The following C10orf90 variants were observed in gnomAD, a reference collection of about 807,000 sequenced individuals.
C10orf90 encodes the protein (E2-independent) E3 ubiquitin-conjugating enzyme FATS.
C10orf90 carries 56 observed loss-of-function variants against 62.5 expected under a neutral mutation model. The ratio of observed to expected loss-of-function variants is 0.90; its 90% CI spans 0.72 to 1.12. The LOEUF is 1.12. Among genes scored for constraint, C10orf90 ranks in the 50% most tolerant of loss-of-function variants. C10orf90 has a pLI of 0.00. For synonymous variants in C10orf90, 386 were observed against 340.4 expected, an observed-to-expected ratio of 1.13 and a Z score of -1.47; for missense variants, 970 against 880.4, an observed-to-expected ratio of 1.10 and a Z score of -1.29.
chr10:126,526,897 C>T (rs1296822315), intron 2 of C10orf90, among the ~76,000 whole-genome samples: 1 of 152,186 alleles, frequency 6.6e-6, no homozygotes, highest in Non-Finnish European at 1.5e-5. Flanking sequence ...CGTATCAGGA[C>T]ATCCTTGCTT....
chr10:126,443,970 G>T (rs575924282), intron 7 of C10orf90, among the ~76,000 whole-genome samples: 1 of 151,992 alleles, frequency 6.6e-6, no homozygotes, highest in Non-Finnish European at 1.5e-5. Flanking sequence ...GCAAAATCCA[G>T]CATCACTTTA....
chr10:126,495,219 G>T (rs1464584642), intron 4 of C10orf90, among the ~76,000 whole-genome samples: 1 of 152,156 alleles, frequency 6.6e-6, no homozygotes, highest in Non-Finnish European at 1.5e-5. Context: ...CATGTTCACT[G>T]CAGCATTGGA....
intron 7 of C10orf90, 44 bp downstream of exon 7, chr10:126,458,996 C>A (rs758106083): frequency 1.5e-5 from 23 of 1,577,688 alleles, no homozygotes; most frequent in South Asian, 3.5e-5. Flanking sequence ...AGGAACCCCC[C>A]ATCCCTGGTC....
chr10:126,669,763 A>G (rs1051518328), intron 1 of C10orf90, among the ~76,000 whole-genome samples: 1 of 151,938 alleles, frequency 6.6e-6, no homozygotes, highest in Non-Finnish European at 1.5e-5. Context: ...TCTCAAAAAT[A>G]AAAGATCATT....
intron 7 of C10orf90, among the ~76,000 whole-genome samples, chr10:126,447,336 T>G (rs1232342842): frequency 6.6e-6 from 1 of 150,946 alleles, no homozygotes; most frequent in South Asian, 2.1e-4. Flanking sequence ...AGTGAAGGGA[T>G]AGAAAGGATA....
At chr10:126,630,478 G>T (rs1177854523) in intron 2 of C10orf90, among the ~76,000 whole-genome samples, 1 of 152,112 alleles carries the variant, frequency 6.6e-6, no homozygotes, top group African/African-American at 2.4e-5. Context: ...GTCGGGAACG[G>T]GGAGAAGAGC....
At chr10:126,531,775 A>C (rs541958641) in intron 2 of C10orf90, among the ~76,000 whole-genome samples, 3 of 152,338 alleles carry the variant, frequency 2.0e-5, no homozygotes, top group East Asian at 3.9e-4. Flanking sequence ...AAAGAAGGTA[A>C]ATTAGACTGC....
At chr10:126,531,598 C>T (rs1175838947) in intron 2 of C10orf90, among the ~76,000 whole-genome samples, 1 of 152,026 alleles carries the variant, frequency 6.6e-6, no homozygotes. Flanking sequence ...GAATAATATG[C>T]CTCAACTCTT....
rs1862025794 is a variant in C10orf90, at chr10:126,495,933, C to T, written c.1534+8024G>A. ...TGAGTCCCCACCATGAGCCCAACTG[C>T]TCGGCACTCTTTACGTAAATTACCT... is the stretch of plus-strand genomic sequence containing the variant. On this transcript the variant is annotated intron_variant, in intron 4 of 9. Transcript: ENST00000488181. 5.3e-5 allele frequency among the ~76,000 whole-genome samples: 8 copies of T among 152,258 alleles called. No homozygotes were observed. In the South Asian group the frequency reaches 1.7e-3, roughly 32 times the overall value.
intron 2 of C10orf90, among the ~76,000 whole-genome samples, chr10:126,622,040 G>A (rs1845653581): frequency 6.6e-6 from 1 of 151,990 alleles, no homozygotes; most frequent in Non-Finnish European, 1.5e-5. Flanking sequence ...CCGTGGGTTG[G>A]TTGGGTCCTC....
At chr10:126,663,777 C>A (rs968298664) in intron 1 of C10orf90, among the ~76,000 whole-genome samples, 1 of 152,124 alleles carries the variant, frequency 6.6e-6, no homozygotes. Context: ...CTGCAAAAAA[C>A]CACCAAGTAC....
chr10:126,444,911 A>G (rs1042023189), intron 7 of C10orf90, among the ~76,000 whole-genome samples: 1 of 152,100 alleles, frequency 6.6e-6, no homozygotes, highest in Non-Finnish European at 1.5e-5. Flanking sequence ...ACAAAAACAT[A>G]AAGTGGGGAA....
chr10:126,480,053 G>A (rs1302093974), intron 4 of C10orf90, among the ~76,000 whole-genome samples: 2 of 152,084 alleles, frequency 1.3e-5, no homozygotes, highest in African/African-American at 4.8e-5. Context: ...ACTGCATTCT[G>A]GTTCAAAAGA....
chr10:126,426,019 T>C lies in C10orf90; in HGVS notation c.2324A>G (p.Asn775Ser). 1 of 1,614,200 alleles carries C rather than the reference T, an allele frequency of 6.2e-7. No individual in the cohort carries two copies. The highest frequency in any genetic ancestry group is 2.2e-5 in the East Asian group (1 of 44,878). Residue 775 changes from asparagine to serine, a missense_variant, in exon 9 of 10, where the codon AAC (asparagine) becomes AGC (serine). Physicochemically the swap from Asn to Ser is conservative, Grantham distance 46 (BLOSUM62 1). Coordinates refer to ENST00000488181, the MANE Select transcript of C10orf90 (RefSeq NM_001350921.2). ...TTTGAAGACTTCGGCACGGAGTCTG[T>C]TACTTTGTAAGATCACCCTTTTCCT... ...EQRKRVILQS[N>S]RLRAEVFKKQ...
chr10:126,459,565 A>G (rs936654362), intron 6 of C10orf90, among the ~76,000 whole-genome samples: 3 of 152,196 alleles, frequency 2.0e-5, no homozygotes, highest in Non-Finnish European at 2.9e-5. Context: ...AAAGCCCTAC[A>G]TTCTGTATTC....
At chr10:126,426,416 A>C (rs1179668335) in intron 8 of C10orf90, among the ~76,000 whole-genome samples, 1 of 152,244 alleles carries the variant, frequency 6.6e-6, no homozygotes, top group African/African-American at 2.4e-5. Context: ...TTAATGACTT[A>C]ATCGTAAAAT....
At chr10:126,493,768 A>G (rs1861889375) in intron 4 of C10orf90, among the ~76,000 whole-genome samples, 1 of 152,276 alleles carries the variant, frequency 6.6e-6, no homozygotes, top group Admixed American at 6.5e-5. Flanking sequence ...GAATGATGCT[A>G]GACCTGGAAA....
chr10:126,454,458 G>A (rs1277346472), intron 7 of C10orf90, among the ~76,000 whole-genome samples: 2 of 151,380 alleles, frequency 1.3e-5, no homozygotes, highest in Non-Finnish European at 2.9e-5. Context: ...TACAAGGGCT[G>A]TACCTTCTAC....
In C10orf90 at chr10:126,604,135, C is replaced by T. The variant is rs375258599; in HGVS notation, c.313+42430G>A. Among the ~76,000 whole-genome samples the T allele has an allele frequency of 2.8e-4, 43 of 152,278 alleles. 1 individual carries two copies. Among genetic ancestry groups the T allele is most frequent in the African/African-American group, 9.1e-4 (38 of 41,560 alleles). ...CCACCCACCTTGACAGGATGATTCCCGCATCAAGGCTGGGCTCCATCCAGA... is the reference window on the plus strand; with the variant it reads ...CCACCCACCTTGACAGGATGATTCCTGCATCAAGGCTGGGCTCCATCCAGA... On this transcript the variant is annotated intron_variant, in intron 2 of 9. Transcript: ENST00000488181.
Sources: gnomAD v4.1 joint callset for allele counts (sites outside exome capture counted in the v4.1 genomes callset) on GRCh38, gnomAD v4.1.1 for gene constraint, MANE v1.5 for transcripts, NCBI Gene and HGNC (gene_info 2026-07-23, HGNC 2026-07-21) for gene names.